Variants in SERTAD2 observed in about 807,000 individuals in gnomAD.
The protein encoded by SERTAD2 is SERTA domain-containing protein 2.
SERTAD2 carries 2 observed loss-of-function variants against 15.4 expected under a neutral mutation model. The observed-to-expected ratio is 0.13, with a 90% CI of 0.05 to 0.41. The LOEUF is 0.41. Among genes scored for constraint, SERTAD2 ranks in the 10% least tolerant of loss-of-function variants. The pLI is 0.99. For synonymous variants in SERTAD2, 180 were observed against 178.0 expected (o/e 1.01, Z -0.09); for missense variants, 333 against 409.7 (o/e 0.81, Z 1.62).
At chr2:64,638,677 C>T (rs1478944004) in intron 1 of SERTAD2, among the ~76,000 whole-genome samples, 1 of 140,266 alleles carries the variant, frequency 7.1e-6, no homozygotes, top group Non-Finnish European at 1.5e-5. Context: ...CATTTCCCCT[C>T]ATTTTGTTAA....
chr2:64,635,713 T>A lies in SERTAD2; in HGVS notation c.*214A>T, dbSNP rs1439951197. 1 of 520,916 alleles carries A rather than the reference T, an allele frequency of 1.9e-6. No homozygotes were observed. The highest frequency in any genetic ancestry group is 3.0e-5 in the East Asian group (1 of 33,604). 32.3% of individuals were successfully genotyped at this position (520,916 alleles called of 1,614,324 possible). A position where few individuals can be genotyped will look rare whatever the true frequency, so the allele number is the denominator to read the frequency against. On this transcript the variant is annotated 3_prime_UTR_variant, in exon 2 of 2. Transcript: ENST00000313349. Reference sequence around the variant, plus strand: ...CTTTCCTATACCAGGGTAGTAGGTCTCTGAGGAACCACTCAAAAAAGTGTA... The same window carrying A: ...CTTTCCTATACCAGGGTAGTAGGTCACTGAGGAACCACTCAAAAAAGTGTA...
rs1674627757 is a variant in SERTAD2 at position 64,635,055 on chromosome 2, A to AG, written c.*871dup. 6.6e-6 allele frequency: 1 copy of AG among 152,570 alleles called. No homozygotes were observed. Among genetic ancestry groups the AG allele is most frequent in the African/African-American group, 2.4e-5 (1 of 41,410 alleles). The allele number at this position is 152,570 out of a possible 1,614,324, so 9.5% of individuals were successfully genotyped here. On this transcript the variant is annotated 3_prime_UTR_variant, in exon 2 of 2. Transcript: ENST00000313349. Reference sequence around the variant, plus strand: ...CACAGTACTGGCGGGTGTTGGTGCCAGGGGGTCAGTGCTTGTGAAATTTGG... The same window carrying AG: ...CACAGTACTGGCGGGTGTTGGTGCCAGGGGGGTCAGTGCTTGTGAAATTTGG...
intron 1 of SERTAD2, among the ~76,000 whole-genome samples, chr2:64,652,099 T>C (rs1675024827): frequency 6.6e-6 from 1 of 151,888 alleles, no homozygotes; most frequent in African/African-American, 2.4e-5. Flanking sequence ...GGAAAACTTT[T>C]AAACATTTGT....
chr2:64,640,963 C>T (rs1272478097), intron 1 of SERTAD2, among the ~76,000 whole-genome samples: 3 of 152,134 alleles, frequency 2.0e-5, no homozygotes, highest in Admixed American at 6.5e-5. Context: ...ATCAAATGAC[C>T]TCCCTCCCCA....
intron 1 of SERTAD2, among the ~76,000 whole-genome samples, chr2:64,648,159 G>A (rs1674943908): frequency 6.6e-6 from 1 of 152,116 alleles, no homozygotes; most frequent in Admixed American, 6.5e-5. Context: ...TGAGGTGCAG[G>A]ATAATAGAAA....
chr2:64,643,255 T>C (rs1426452545), intron 1 of SERTAD2, among the ~76,000 whole-genome samples: 1 of 152,236 alleles, frequency 6.6e-6, no homozygotes, highest in Non-Finnish European at 1.5e-5. Context: ...CAACTACACA[T>C]TCTGTATGCT....
At position 64,635,009 on chromosome 2, in the gene SERTAD2, T is replaced by G. The variant is rs1378849093; in HGVS notation, c.*918A>C. The G allele has an allele frequency of 1.3e-5, 2 of 152,688 alleles. No individual in the cohort carries two copies. Among genetic ancestry groups the G allele is most frequent in the African/African-American group, 4.8e-5 (2 of 41,458 alleles). The allele number at this position is 152,688 out of a possible 1,614,324, so 9.5% of individuals were successfully genotyped here. A position where few individuals can be genotyped will look rare whatever the true frequency, so the allele number is the denominator to read the frequency against. ...GCTTAATGCAAGTTTGATGAGCACATGTGGCTCTGGCTTTGGAAGTCACAG... is the reference window on the plus strand; with the variant it reads ...GCTTAATGCAAGTTTGATGAGCACAGGTGGCTCTGGCTTTGGAAGTCACAG... On this transcript the variant is annotated 3_prime_UTR_variant, in exon 2 of 2. Transcript: ENST00000313349.
chr2:64,636,931 A>AT, intron 1 of SERTAD2, 56 bp from the exon 2 acceptor site: 1 of 1,279,968 alleles, frequency 7.8e-7, no homozygotes, highest in Non-Finnish European at 1.1e-6. Flanking sequence ...GATTTCTCCC[A>AT]TAAAAAAAGA....
chr2:64,638,699 T>C (rs1487539615), intron 1 of SERTAD2, among the ~76,000 whole-genome samples: 1 of 30,562 alleles, frequency 3.3e-5, no homozygotes, highest in African/African-American at 9.4e-5. Flanking sequence ...ATTTAAAAAA[T>C]GGCTGTCAAT....
chr2:64,639,001 C>T (rs1438136686), intron 1 of SERTAD2, among the ~76,000 whole-genome samples: 1 of 152,188 alleles, frequency 6.6e-6, no homozygotes, highest in African/African-American at 2.4e-5. Flanking sequence ...TAACTGTATT[C>T]ACAGGTATGC....
At chr2:64,636,948 T>C in intron 1 of SERTAD2, 73 bp from the exon 2 acceptor site, 3 of 1,120,584 alleles carry the variant, frequency 2.7e-6, no homozygotes, top group Non-Finnish European at 3.8e-6. Context: ...AAGAGACTGA[T>C]TTAGAGGGCA....
At chr2:64,645,111 G>A (rs1674870555) in intron 1 of SERTAD2, 1 of 151,386 alleles carries the variant, frequency 6.6e-6, no homozygotes, top group South Asian at 2.1e-4. Flanking sequence ...ATGCTAATTG[G>A]TAAGTAAGAC....
At chr2:64,648,246 C>T (rs189413306) in intron 1 of SERTAD2, among the ~76,000 whole-genome samples, 2 of 152,202 alleles carry the variant, frequency 1.3e-5, no homozygotes, top group Admixed American at 6.5e-5. Context: ...CTACATGTTC[C>T]GAATGTTTAA....
In SERTAD2 at chr2:64,635,248, G is replaced by GC. The variant is rs1361642865; in HGVS notation, c.*678dup. The GC allele has an allele frequency of 6.6e-6, 1 of 152,634 alleles. No homozygotes were observed. The highest frequency in any genetic ancestry group is 2.4e-5 in the African/African-American group (1 of 41,446). 9.5% of individuals were successfully genotyped at this position (152,634 alleles called of 1,614,324 possible). On this transcript the variant is annotated 3_prime_UTR_variant, in exon 2 of 2. Transcript: ENST00000313349. The stretch of plus-strand genomic sequence containing the variant: ...ATTACAACTCTATAAAAGTACAAGT[G>GC]CAACTTGTACATCTGAAGTTTGCAG...
At chr2:64,646,005 A>C (rs1032046153) in intron 1 of SERTAD2, among the ~76,000 whole-genome samples, 1 of 152,214 alleles carries the variant, frequency 6.6e-6, no homozygotes, top group Admixed American at 6.5e-5. Flanking sequence ...TTAATTTATA[A>C]GGAAAAAGGA....
rs1312722769 is a variant in SERTAD2 at position 64,636,668 on chromosome 2, C to T, written c.204G>A (p.Met68Ile). 6.2e-7 allele frequency: 1 copy of T among 1,614,102 alleles called. No homozygotes were observed. The highest frequency in any genetic ancestry group is 8.5e-7 in the Non-Finnish European group (1 of 1,180,014). The change falls in exon 2 of 2, where the codon ATG (methionine) becomes ATA (isoleucine). Residue 68 changes from methionine to isoleucine, a missense_variant. This residue lies in a region of SERTAD2 where 332 missense variants were observed against 392.9 expected (regional missense o/e 0.84). Coordinates refer to ENST00000313349, the MANE Select transcript of SERTAD2 (RefSeq NM_014755.3). The stretch of plus-strand genomic sequence containing the variant: ...TGAGTTCCTCCTGGATCCGCCTCAA[C>T]ATGTTGTTAATTAAAACGGTCTTTT... Reference protein sequence around the residue: ...SLQKTVLINNMLRRIQEELKQ... With the variant: ...SLQKTVLINNILRRIQEELKQ...
rs1303482922 is a variant in SERTAD2 at position 64,633,196 on chromosome 2, G to A, written c.*2731C>T. On this transcript the variant is annotated 3_prime_UTR_variant, in exon 2 of 2. Transcript: ENST00000313349. ...AACCCTAGATCATTTTGATCTTTCTGAAAATGGGCTGCTAATTTTCCATGT... is the reference window on the plus strand; with the variant it reads ...AACCCTAGATCATTTTGATCTTTCTAAAAATGGGCTGCTAATTTTCCATGT... The A allele has an allele frequency of 1.3e-5, 2 of 152,208 alleles. No individual in the cohort carries two copies. Among genetic ancestry groups the A allele is most frequent in the African/African-American group, 4.8e-5 (2 of 41,442 alleles). 9.4% of individuals were successfully genotyped at this position (152,208 alleles called of 1,614,324 possible).
At chr2:64,647,952 A>T (rs1674940188) in intron 1 of SERTAD2, among the ~76,000 whole-genome samples, 1 of 152,086 alleles carries the variant, frequency 6.6e-6, no homozygotes, top group South Asian at 2.1e-4. Flanking sequence ...ACTATCAAAG[A>T]ATCACTTAAA....
intron 1 of SERTAD2, among the ~76,000 whole-genome samples, chr2:64,649,032 G>A (rs939237988): frequency 2.0e-5 from 3 of 152,094 alleles, no homozygotes; most frequent in Non-Finnish European, 4.4e-5. Context: ...CTCAAAGAAG[G>A]AAAGAAATCT....
Sources: allele counts gnomAD v4.1 joint callset (sites outside exome capture counted in the v4.1 genomes callset), GRCh38; gene constraint gnomAD v4.1.1; regional missense constraint gnomAD v4.1.1; transcripts MANE v1.5; gene names NCBI Gene and HGNC (gene_info 2026-07-23, HGNC 2026-07-21).